Variants in CAPN3 observed in about 807,000 individuals in gnomAD.
CAPN3 encodes calpain-3.
A neutral mutation model predicts 114.0 loss-of-function variants in CAPN3; 88 were observed. The observed-to-expected ratio is 0.77, with a 90% confidence interval of 0.65 to 0.92. The LOEUF (loss-of-function observed/expected upper bound fraction) is 0.92. Ranked by LOEUF, CAPN3 falls within the 40% of genes least tolerant of loss-of-function variation. CAPN3 has a pLI of 0.00. For missense variants in CAPN3, 1,028 were observed against 1,069.0 expected (o/e 0.96, Z 0.53); for synonymous variants, 386 against 382.9 (o/e 1.01, Z -0.09).
At chr15:42,409,883 GA>G in intron 18 of CAPN3, 39 bp downstream of exon 18, 1 of 559,674 alleles carries the variant, frequency 1.8e-6, no homozygotes, top group Non-Finnish European at 3.5e-6. Flanking sequence ...GGTGGGTGGG[GA>G]GTCCCGTTGT....
At chr15:42,365,095 C>G (rs532531615) in intron 1 of CAPN3, among the ~76,000 whole-genome samples, 1 of 152,330 alleles carries the variant, frequency 6.6e-6, no homozygotes, top group East Asian at 1.9e-4. Context: ...CTCCTCCTGT[C>G]TCTGGTGCTA....
At chr15:42,411,204 C>G in intron 22 of CAPN3, 83 bp from the exon 23 acceptor site, 2 of 1,189,944 alleles carry the variant, frequency 1.7e-6, no homozygotes, top group Non-Finnish European at 2.5e-6. Flanking sequence ...CAGCACTGGG[C>G]ACATGGTCCT....
At chr15:42,408,655 C>G (rs1175080556) in intron 16 of CAPN3, 1 of 376,776 alleles carries the variant, frequency 2.7e-6, no homozygotes, top group Non-Finnish European at 5.1e-6. Flanking sequence ...CTCCTGGTGG[C>G]CTTGAGCATT....
intron 1 of CAPN3, among the ~76,000 whole-genome samples, chr15:42,379,056 A>G (rs2053169038): frequency 6.6e-6 from 1 of 152,156 alleles, no homozygotes; most frequent in African/African-American, 2.4e-5. Flanking sequence ...GCGCACCCCT[A>G]TAATCCTAGC....
At chr15:42,393,203 C>T (rs1028111602) in intron 7 of CAPN3, among the ~76,000 whole-genome samples, 6 of 152,176 alleles carry the variant, frequency 3.9e-5, no homozygotes, top group Non-Finnish European at 8.8e-5. Flanking sequence ...TTTAAGTCAT[C>T]TCTGGATTAC....
chr15:42,409,907 CCTCA>C lies in CAPN3; in HGVS notation c.2051-20_2051-17del, dbSNP rs1328861149. On this transcript the variant is annotated intron_variant, in intron 18 of 23. Coordinates refer to ENST00000397163, the MANE Select transcript of CAPN3 (RefSeq NM_000070.3). The stretch of plus-strand genomic sequence containing the variant: ...GGAGTCCCGTTGTCTCAAAGCAGCT[CCTCA>C]CTCTTCTCCATCCCCCCAGACAAGG... 1 of 1,612,714 alleles carries C rather than the reference CCTCA, an allele frequency of 6.2e-7. No individual in the cohort carries two copies. The highest frequency in any genetic ancestry group is 2.2e-5 in the East Asian group (1 of 44,868).
At position 42,359,790 on chromosome 15, in the gene CAPN3, T is replaced by C. The variant is rs761000424; in HGVS notation, c.-16T>C. On this transcript the variant is annotated 5_prime_UTR_variant, in exon 1 of 24. Coordinates refer to ENST00000397163, the MANE Select transcript of CAPN3 (RefSeq NM_000070.3). ...TTATTTTCTTTAAAAAGCTTTTTCTTCCAAAGCCACTTGCCATGCCGACCG... is the reference window on the plus strand; with the variant it reads ...TTATTTTCTTTAAAAAGCTTTTTCTCCCAAAGCCACTTGCCATGCCGACCG... The C allele has an allele frequency of 1.9e-6, 3 of 1,612,780 alleles. No individual in the cohort carries two copies. The East Asian group carries it at 6.7e-5, about 36-fold the overall frequency.
intron 2 of CAPN3, chr15:42,385,542 AGAG>A (rs756095836): frequency 6.8e-4 from 269 of 395,156 alleles, no homozygotes; most frequent in Non-Finnish European, 9.3e-4. Context: ...AGAGAGAGAG[AGAG>A]AGAGAGAGAG....
intron 1 of CAPN3, among the ~76,000 whole-genome samples, chr15:42,364,775 C>T (rs1037622515): frequency 2.6e-5 from 4 of 152,240 alleles, no homozygotes; most frequent in African/African-American, 9.6e-5. Context: ...CTGAGACCAA[C>T]TTGCTGAGCA....
chr15:42,362,584 G>T (rs1399759374), intron 1 of CAPN3, among the ~76,000 whole-genome samples: 1 of 152,194 alleles, frequency 6.6e-6, no homozygotes, highest in Non-Finnish European at 1.5e-5. Context: ...TTCCCCTGGG[G>T]TTAAGATCAC....
At chr15:42,405,862 A>G (rs2054004216) in intron 14 of CAPN3, 64 bp from the exon 15 acceptor site, 14 of 1,362,438 alleles carry the variant, frequency 1.0e-5, no homozygotes, top group Non-Finnish European at 1.3e-5. Flanking sequence ...GCCAAAAGCC[A>G]CTGGCGGTTC....
At chr15:42,391,515 C>T (rs765113674) in intron 6 of CAPN3, among the ~76,000 whole-genome samples, 8 of 152,124 alleles carry the variant, frequency 5.3e-5, no homozygotes, top group African/African-American at 7.2e-5. Flanking sequence ...GGCTGAGATA[C>T]CAAAAGCCCT....
intron 12 of CAPN3, 41 bp downstream of exon 12, chr15:42,402,176 C>G (rs772218324): frequency 1.1e-5 from 17 of 1,613,750 alleles, no homozygotes; most frequent in Non-Finnish European, 1.4e-5. Flanking sequence ...TGCAGCACTA[C>G]CCAGGGGGCC....
At chr15:42,391,918 C>G (rs1427110514) in intron 6 of CAPN3, among the ~76,000 whole-genome samples, 3 of 152,100 alleles carry the variant, frequency 2.0e-5, no homozygotes, top group Non-Finnish European at 1.5e-5. Flanking sequence ...AATCCCAGCA[C>G]TTTGGGAGGC....
intron 15 of CAPN3, among the ~76,000 whole-genome samples, chr15:42,407,848 A>G (rs1300430825): frequency 1.3e-5 from 2 of 152,100 alleles, no homozygotes; most frequent in East Asian, 1.9e-4. Flanking sequence ...GTGTTTTTAT[A>G]TACACCATGT....
chr15:42,359,599 C>T lies in CAPN3; in HGVS notation c.-207C>T, dbSNP rs1566965728. Reference sequence around the variant, plus strand: ...CTTTAGCACTCATTTCTCAGGAGAACTTATGGCTTCAGAATCACAGCTCGG... The same window carrying T: ...CTTTAGCACTCATTTCTCAGGAGAATTTATGGCTTCAGAATCACAGCTCGG... On this transcript the variant is annotated 5_prime_UTR_variant, in exon 1 of 24. Coordinates refer to ENST00000397163, the MANE Select transcript of CAPN3 (RefSeq NM_000070.3). 3 of 1,424,454 alleles carry T rather than the reference C, an allele frequency of 2.1e-6. No homozygotes were observed. Among genetic ancestry groups the T allele is most frequent in the South Asian group, 3.1e-5 (2 of 64,938 alleles). 88.2% of individuals were successfully genotyped at this position (1,424,454 alleles called of 1,614,324 possible). A position where few individuals can be genotyped will look rare whatever the true frequency, so the allele number is the denominator to read the frequency against.
chr15:42,398,854 G>A (rs192703849), intron 9 of CAPN3, among the ~76,000 whole-genome samples: 135 of 137,866 alleles, frequency 9.8e-4, no homozygotes, highest in African/African-American at 3.5e-3. Flanking sequence ...GCGCAATATC[G>A]GCTCACTGCA....
chr15:42,392,651 G>T lies in CAPN3; in HGVS notation c.958G>T (p.Val320Phe), dbSNP rs1555421055. The T allele has an allele frequency of 1.2e-6, 2 of 1,613,618 alleles. No individual in the cohort carries two copies. The highest frequency in any genetic ancestry group is 1.7e-6 in the Non-Finnish European group (2 of 1,179,690). ...DERPTRTIIP[V>F]QYETRMACGL... ...TACTGCTCTACAGACAATCATTCCG[G>T]TTCAGTATGAGACAAGAATGGCCTG... Residue 320 changes from valine to phenylalanine, a missense_variant, in exon 7 of 24, where the codon GTT becomes TTT. Physicochemically the swap from Val to Phe is conservative, Grantham distance 50 (BLOSUM62 -1). Transcript: ENST00000397163.
chr15:42,401,996 C>T (rs963647313), intron 11 of CAPN3, 128 bp from the exon 12 acceptor site: 28 of 1,362,622 alleles, frequency 2.1e-5, no homozygotes, highest in Non-Finnish European at 2.5e-5. Flanking sequence ...GGCAGTGGAG[C>T]GGGCCTGGCA....
Sources: allele counts gnomAD v4.1 joint callset (sites outside exome capture counted in the v4.1 genomes callset), GRCh38; gene constraint gnomAD v4.1.1; transcripts MANE v1.5; gene names NCBI Gene and HGNC (gene_info 2026-07-23, HGNC 2026-07-21).